The following PLEKHG5 variants were observed in gnomAD, a reference collection of about 807,000 sequenced individuals.
PLEKHG5 encodes the protein pleckstrin homology domain-containing family G member 5.
A neutral mutation model predicts 103.8 loss-of-function variants in PLEKHG5; 52 were observed. The ratio of observed to expected loss-of-function variants is 0.50; its 90% confidence interval spans 0.40 to 0.63. The LOEUF (loss-of-function observed/expected upper bound fraction) is 0.63. PLEKHG5 is among the 30% of genes least tolerant of loss of function. The pLI is 0.00. For missense variants in PLEKHG5, 1,205 were observed against 1,347.6 expected, an observed-to-expected ratio of 0.89 and a Z score of 1.66; for synonymous variants, 592 against 575.5, an observed-to-expected ratio of 1.03 and a Z score of -0.41.
At position 6,505,452 on chromosome 1, in the gene PLEKHG5, T is replaced by C. The variant is rs1444861958; in HGVS notation, c.-164-8883A>G. On this transcript the variant is annotated intron_variant, in intron 1 of 21. Transcript: ENST00000377740. This position sits in a 1 kb window ranked among gnomAD's most constrained non-coding sequence, Gnocchi z 4.2. ...CCTCCCAGTGACCCCCAAGGCATCA[T>C]TATTCCCATTCACAGCTCCCCAACC... Among the ~76,000 whole-genome samples the C allele has an allele frequency of 6.6e-6, 1 of 152,058 alleles. No individual in the cohort carries two copies. Among genetic ancestry groups the C allele is most frequent in the Non-Finnish European group, 1.5e-5 (1 of 67,984 alleles).
At chr1:6,518,123 G>A (rs981483431) in intron 1 of PLEKHG5, among the ~76,000 whole-genome samples, 5 of 151,610 alleles carry the variant, frequency 3.3e-5, no homozygotes, top group South Asian at 4.2e-4. Context: ...TAGTAGAGAC[G>A]GGGTTTCACC....
chr1:6,475,716 C>T lies in PLEKHG5; in HGVS notation c.150-194G>A, dbSNP rs1644747910. ...AACACGGGAGTCACATCGAACGGTA[C>T]CTGGTCTGGTGTGGGCTAGGATCCC... On this transcript the variant is annotated intron_variant, in intron 3 of 20. Transcript: ENST00000377728. Among the ~76,000 whole-genome samples, 3 of 152,178 alleles carry T rather than the reference C, an allele frequency of 2.0e-5. No homozygotes were observed. In the South Asian group the frequency reaches 6.2e-4, roughly 32 times the overall value.
intron 1 of PLEKHG5, among the ~76,000 whole-genome samples, chr1:6,513,655 A>G (rs1168607744): frequency 6.6e-6 from 1 of 152,196 alleles, no homozygotes; most frequent in Non-Finnish European, 1.5e-5. Context: ...CAAGGAACAA[A>G]GGCTCCTGGG....
At chr1:6,489,092 C>G (rs1006065366) in intron 1 of PLEKHG5, among the ~76,000 whole-genome samples, 1 of 152,210 alleles carries the variant, frequency 6.6e-6, no homozygotes, top group Non-Finnish European at 1.5e-5. Flanking sequence ...GCAGACGGGC[C>G]TGGAACCAGG....
upstream of PLEKHG5, among the ~76,000 whole-genome samples, chr1:6,501,153 G>A (rs545922842): frequency 9.2e-5 from 14 of 152,226 alleles, no homozygotes; most frequent in East Asian, 1.9e-4. This position sits in a 1 kb window ranked among gnomAD's most constrained non-coding sequence, Gnocchi z 4.3. Context: ...TCCAGCTCCC[G>A]AGCTGTGTCT....
intron 1 of PLEKHG5, chr1:6,485,549 C>G: frequency 9.1e-7 from 1 of 1,102,470 alleles, no homozygotes; most frequent in South Asian, 4.4e-5. Flanking sequence ...GCGGGGACCC[C>G]GGGGAGGGCC....
rs781597589 is a variant in PLEKHG5, at chr1:6,477,479, A to C, written c.43+50T>G. On this transcript the variant is annotated intron_variant, in intron 2 of 20. Coordinates refer to ENST00000377728, the MANE Select transcript of PLEKHG5 (RefSeq NM_020631.6). ...GCACGTTTCCGACAGTTACTGAAAC[A>C]CTGACACAGGAGCTCTGGGGGCCGA... The C allele has an allele frequency of 6.3e-6, 10 of 1,597,700 alleles. No homozygotes were observed. The East Asian group carries it at 2.0e-4, about 32-fold the overall frequency.
chr1:6,502,521 A>T (rs1228416226), intron 1 of PLEKHG5, among the ~76,000 whole-genome samples: 1 of 152,188 alleles, frequency 6.6e-6, no homozygotes, highest in Non-Finnish European at 1.5e-5. Context: ...AACTGTCCAC[A>T]CAGCTCTGCA....
chr1:6,497,036 G>A, upstream of PLEKHG5: 1 of 1,513,548 alleles, frequency 6.6e-7, no homozygotes, highest in Non-Finnish European at 8.8e-7. This position sits in a 1 kb window ranked among gnomAD's most constrained non-coding sequence, Gnocchi z 6.1. Context: ...ACTCATCTTT[G>A]ACCCTGAATT....
intron 1 of PLEKHG5, among the ~76,000 whole-genome samples, chr1:6,483,218 C>T (rs1176199278): frequency 6.6e-6 from 1 of 152,208 alleles, no homozygotes; most frequent in Non-Finnish European, 1.5e-5. Context: ...GCACTCCAAG[C>T]AGGCCCACGT....
chr1:6,483,061 C>T (rs947816331), intron 1 of PLEKHG5, among the ~76,000 whole-genome samples: 7 of 152,190 alleles, frequency 4.6e-5, no homozygotes, highest in African/African-American at 9.7e-5. Context: ...GTCTTAGGAG[C>T]GAGAGGCTGG....
At chr1:6,516,455 C>A (rs1458220537) in intron 1 of PLEKHG5, among the ~76,000 whole-genome samples, 1 of 151,830 alleles carries the variant, frequency 6.6e-6, no homozygotes, top group Non-Finnish European at 1.5e-5. Context: ...TCAGGAGTTC[C>A]AGACTAGCCT....
At chr1:6,469,014 C>T (rs1453670861) in intron 19 of PLEKHG5, 28 bp downstream of exon 19, 4 of 1,596,588 alleles carry the variant, frequency 2.5e-6, no homozygotes, top group Admixed American at 1.7e-5. Flanking sequence ...CCTGGTTTGA[C>T]CTGCTGGGTG....
At chr1:6,493,928 G>A (rs1645185165), upstream of PLEKHG5, among the ~76,000 whole-genome samples, 1 of 151,840 alleles carries the variant, frequency 6.6e-6, no homozygotes, top group South Asian at 2.1e-4. Context: ...CCAAAGTGCT[G>A]GGATTACAGG....
At chr1:6,474,334 A>G in intron 6 of PLEKHG5, 117 bp downstream of exon 6, 2 of 1,340,536 alleles carry the variant, frequency 1.5e-6, no homozygotes, top group Non-Finnish European at 2.1e-6. Context: ...AGACACCTGT[A>G]TGGTAATGAG....
chr1:6,481,292 A>G (rs1036975019), intron 1 of PLEKHG5, among the ~76,000 whole-genome samples: 5 of 152,088 alleles, frequency 3.3e-5, no homozygotes, highest in Non-Finnish European at 7.4e-5. Context: ...GCACTTTGGG[A>G]GGCCGAGGCG....
chr1:6,519,623 C>T, exon 1 of PLEKHG5: 1 of 824,960 alleles, frequency 1.2e-6, no homozygotes, highest in Non-Finnish European at 2.1e-6. Flanking sequence ...CAGTTGCCAT[C>T]TCAACATGGA....
At chr1:6,493,785 A>G (rs1645183713), upstream of PLEKHG5, among the ~76,000 whole-genome samples, 1 of 151,946 alleles carries the variant, frequency 6.6e-6, no homozygotes, top group African/African-American at 2.4e-5. Flanking sequence ...CCTCCTAAGT[A>G]GCTGGGATTA....
intron 19 of PLEKHG5, 146 bp downstream of exon 19, chr1:6,468,896 G>A (rs1032946771): frequency 2.1e-5 from 16 of 762,882 alleles, no homozygotes; most frequent in South Asian, 1.1e-4. Context: ...CTCCCCACCC[G>A]GACTCTGGGG....
Sources: gnomAD v4.1 joint callset for allele counts (sites outside exome capture counted in the v4.1 genomes callset) on GRCh38, gnomAD v4.1.1 for gene constraint, Gnocchi (gnomAD v3.1) non-coding constraint, MANE v1.5 for transcripts, NCBI Gene and HGNC (gene_info 2026-07-23, HGNC 2026-07-21) for gene names.